Variants in DCAF1 observed in about 807,000 individuals in gnomAD.
DCAF1 encodes DDB1 and CUL4 associated factor 1, also known as DDB1- and CUL4-associated factor 1.
DCAF1 carries 15 observed loss-of-function variants against 128.0 expected under a neutral mutation model. The ratio of observed to expected loss-of-function variants is 0.12; its 90% CI spans 0.08 to 0.18. DCAF1 has a LOEUF of 0.18. Ranked by LOEUF, DCAF1 falls within the 10% of genes least tolerant of loss-of-function variation. DCAF1 has a pLI of 1.00. For synonymous variants in DCAF1, 610 were observed against 603.0 expected (o/e 1.01, Z -0.17); for missense variants, 988 against 1,649.5 (o/e 0.60, Z 6.95).
At chr3:51,437,203 C>T (rs570404718) in intron 9 of DCAF1, among the ~76,000 whole-genome samples, 4 of 134,760 alleles carry the variant, frequency 3.0e-5, no homozygotes, top group African/African-American at 5.6e-5. Flanking sequence ...GCAGCGGTAG[C>T]GGTGAGCAAA....
At chr3:51,477,405 T>C (rs1242246497) in intron 3 of DCAF1, among the ~76,000 whole-genome samples, 1 of 149,224 alleles carries the variant, frequency 6.7e-6, no homozygotes, top group African/African-American at 2.5e-5. Flanking sequence ...AAGTTACCCC[T>C]GATTAAAATA....
At position 51,418,209 on chromosome 3, in the gene DCAF1, A is replaced by G; in HGVS notation, c.3436-11T>C. ...CAGCAAGGACCCATCCTAAAAGAAA[A>G]AGGCGCAAGGTGGGTAACCACGTAT... On this transcript the variant is annotated splice_polypyrimidine_tract_variant and intron_variant, in intron 16 of 24. Coordinates refer to ENST00000684031, the MANE Select transcript of DCAF1 (RefSeq NM_001387579.1). The G allele has an allele frequency of 6.2e-7, 1 of 1,604,740 alleles. No homozygotes were observed. Among genetic ancestry groups the G allele is most frequent in the Non-Finnish European group, 8.5e-7 (1 of 1,175,618 alleles).
intron 5 of DCAF1, 100 bp from the exon 6 acceptor site, chr3:51,463,327 G>T (rs1201028620): frequency 1.7e-6 from 1 of 587,750 alleles, no homozygotes; most frequent in South Asian, 3.7e-5. Flanking sequence ...CTTTCTTAAC[G>T]GGTATGAAAG....
intron 6 of DCAF1, among the ~76,000 whole-genome samples, chr3:51,462,337 G>T (rs1352462479): frequency 6.6e-6 from 1 of 152,018 alleles, no homozygotes; most frequent in African/African-American, 2.4e-5. Flanking sequence ...CACAAGAATT[G>T]CTTGAACCCA....
intron 24 of DCAF1, 102 bp downstream of exon 24, chr3:51,403,041 C>A: frequency 6.7e-7 from 1 of 1,484,976 alleles, no homozygotes; most frequent in Non-Finnish European, 8.9e-7. Context: ...AATTATGGGG[C>A]ACAGAACCGT....
At chr3:51,484,405 A>ACG (rs1706664219) in intron 2 of DCAF1, among the ~76,000 whole-genome samples, 1 of 151,136 alleles carries the variant, frequency 6.6e-6, no homozygotes, top group Non-Finnish European at 1.5e-5. Context: ...CCTGGGAGGT[A>ACG]GAGGTTGCAG....
chr3:51,411,950 A>C (rs1210176054), intron 23 of DCAF1, among the ~76,000 whole-genome samples: 1 of 151,892 alleles, frequency 6.6e-6, no homozygotes, highest in African/African-American at 2.4e-5. Flanking sequence ...GTCTCTACTA[A>C]AAATACACAA....
intron 23 of DCAF1, among the ~76,000 whole-genome samples, chr3:51,407,714 G>A (rs1241055126): frequency 2.6e-5 from 4 of 152,224 alleles, no homozygotes; most frequent in Middle Eastern, 3.4e-3. Context: ...CAGGTTGGGC[G>A]CGGTGGCTCA....
intron 2 of DCAF1, among the ~76,000 whole-genome samples, chr3:51,490,490 T>C (rs930205120): frequency 1.1e-4 from 17 of 152,156 alleles, no homozygotes; most frequent in Non-Finnish European, 2.1e-4. Context: ...AAAACATTGC[T>C]GGAGTCAATT....
At position 51,451,788 on chromosome 3, in the gene DCAF1, CT is replaced by C. The variant is rs1393885609; in HGVS notation, c.376-7886del. On this transcript the variant is annotated intron_variant, in intron 6 of 24. Coordinates refer to ENST00000684031, the MANE Select transcript of DCAF1 (RefSeq NM_001387579.1). ...AAAAAAAAAAAAAAAGATTGTAAAG[CT>C]TTTTTTCAATATCTCTGAAAGTAAA... Among the ~76,000 whole-genome samples, 9 of 151,244 alleles carry C rather than the reference CT, an allele frequency of 6.0e-5. No homozygotes were observed. The South Asian group carries it at 1.9e-3, about 32-fold the overall frequency.
intron 3 of DCAF1, among the ~76,000 whole-genome samples, chr3:51,471,341 G>A (rs1244005386): frequency 2.6e-5 from 4 of 151,540 alleles, no homozygotes; most frequent in Non-Finnish European, 5.9e-5. Flanking sequence ...CCACCACCAC[G>A]CCCGGCTAAC....
chr3:51,465,361 G>A (rs1704024526), intron 5 of DCAF1, among the ~76,000 whole-genome samples: 2 of 152,192 alleles, frequency 1.3e-5, no homozygotes, highest in African/African-American at 4.8e-5. Flanking sequence ...GAGACACCCA[G>A]AAGGAAATGT....
chr3:51,438,131 T>C, intron 9 of DCAF1: 1 of 396,908 alleles, frequency 2.5e-6, no homozygotes. Context: ...GGTTATGCAT[T>C]TTTTTTTAAC....
intron 20 of DCAF1, 109 bp from the exon 21 acceptor site, chr3:51,413,495 T>G: frequency 6.8e-7 from 1 of 1,468,014 alleles, no homozygotes; most frequent in Non-Finnish European, 9.1e-7. Context: ...GCATATAGGT[T>G]TACATACAAA....
At chr3:51,485,051 G>C (rs1706763962) in intron 2 of DCAF1, among the ~76,000 whole-genome samples, 1 of 152,024 alleles carries the variant, frequency 6.6e-6, no homozygotes, top group East Asian at 1.9e-4. Flanking sequence ...AAGTAGCTAG[G>C]ATTACAGGCA....
intron 9 of DCAF1, among the ~76,000 whole-genome samples, chr3:51,438,704 T>G (rs1553637784): frequency 2.0e-5 from 3 of 152,148 alleles, no homozygotes; most frequent in Non-Finnish European, 2.9e-5. Context: ...TTCCACCTCC[T>G]GGGTTCAAGC....
At chr3:51,502,741 A>C (rs1261862382), upstream of DCAF1, among the ~76,000 whole-genome samples, 1 of 151,124 alleles carries the variant, frequency 6.6e-6, no homozygotes, top group Non-Finnish European at 1.5e-5. Flanking sequence ...TGCACTCTTA[A>C]CTCCTGCAGC....
At chr3:51,454,512 C>T (rs1553642322) in intron 6 of DCAF1, among the ~76,000 whole-genome samples, 2 of 152,142 alleles carry the variant, frequency 1.3e-5, no homozygotes, top group Non-Finnish European at 2.9e-5. Flanking sequence ...CAGTCACACA[C>T]CACCACACCC....
chr3:51,441,840 G>T lies in DCAF1; in HGVS notation c.571C>A (p.Gln191Lys), dbSNP rs1017785933. Residue 191 changes from glutamine (Q) to lysine (K), a missense_variant, in exon 8 of 25, where the codon CAG becomes AAG. Transcript: ENST00000684031. ...ELQLQEVALR[Q>K]ENKRPSPRKL... The stretch of plus-strand genomic sequence containing the variant: ...CGTGGACTGGGACGCTTGTTTTCCT[G>T]CCGCAAAGCCACTTCCTGTAGCTGT... The T allele has an allele frequency of 5.0e-6, 8 of 1,612,936 alleles. No homozygotes were observed. Among genetic ancestry groups the T allele is most frequent in the Non-Finnish European group, 6.8e-6 (8 of 1,179,860 alleles).
Sources: gnomAD v4.1 joint callset for allele counts (sites outside exome capture counted in the v4.1 genomes callset) on GRCh38, gnomAD v4.1.1 for gene constraint, MANE v1.5 for transcripts, NCBI Gene and HGNC (gene_info 2026-07-23, HGNC 2026-07-21) for gene names.